The following ARHGAP23 variants were observed in gnomAD, a reference collection of about 807,000 sequenced individuals.
The protein encoded by ARHGAP23 is Rho GTPase activating protein 23.
In ARHGAP23, 34 loss-of-function variants were observed where a neutral mutation model predicts 136.3. That is an observed-to-expected ratio of 0.25 (90% CI 0.19 to 0.33). ARHGAP23 has a LOEUF of 0.33. Among genes scored for constraint, ARHGAP23 ranks in the 10% least tolerant of loss-of-function variants. The pLI, the probability that ARHGAP23 is intolerant of heterozygous loss-of-function variation, is 1.00. For missense variants in ARHGAP23, 1,808 were observed against 2,139.0 expected (o/e 0.85, Z 3.05); for synonymous variants, 832 against 920.5 (o/e 0.90, Z 1.74).
At chr17:38,446,368 A>T in intron 1 of ARHGAP23, among the ~76,000 whole-genome samples, 1 of 152,148 alleles carries the variant, frequency 6.6e-6, no homozygotes, top group Admixed American at 6.6e-5. Context: ...ATTATTATTC[A>T]TATCATGTAT....
chr17:38,455,538 T>A (rs1244028864), intron 1 of ARHGAP23, among the ~76,000 whole-genome samples: 2 of 152,110 alleles, frequency 1.3e-5, no homozygotes, highest in East Asian at 3.8e-4. Flanking sequence ...AGGCAGGATG[T>A]GTGCTGGGGG....
Position 38,470,957 on chromosome 17 carries a change from C to CT in ARHGAP23, c.1975-893dup, listed in dbSNP as rs35409435. On this transcript the variant is annotated intron_variant, in intron 10 of 23. Coordinates refer to ENST00000622683, the MANE Select transcript of ARHGAP23 (RefSeq NM_001199417.2). ...TATTTTTCATGCATGATTTTTCTTT[C>CT]TTTTTTTTTTTTTGAGATGGAGTCT... Among the ~76,000 whole-genome samples, 486 of 142,946 alleles carry CT rather than the reference C, an allele frequency of 3.4e-3. 1 individual carries two copies. Among genetic ancestry groups the CT allele is most frequent in the African/African-American group, 5.1e-3 (200 of 39,098 alleles). 93.8% of individuals were successfully genotyped at this position (142,946 alleles called of 152,430 possible). A position where few individuals can be genotyped will look rare whatever the true frequency, so the allele number is the denominator to read the frequency against.
In ARHGAP23 at chr17:38,499,035, A is replaced by G. The variant is rs536348410; in HGVS notation, c.3415+525A>G. On this transcript the variant is annotated intron_variant, in intron 22 of 23. Coordinates refer to ENST00000622683, the MANE Select transcript of ARHGAP23 (RefSeq NM_001199417.2). ...GCTGGGTGGGCACAGCGGCAGGCAG[A>G]ATGTCCCGGACTGTGAGGACCCCAC... 2.3e-5 allele frequency: 16 copies of G among 698,288 alleles called. 1 individual carries two copies. The Admixed American group carries it at 3.0e-4, about 13-fold the overall frequency. The allele number at this position is 698,288 out of a possible 1,614,324, so 43.3% of individuals were successfully genotyped here. A position where few individuals can be genotyped will look rare whatever the true frequency, so the allele number is the denominator to read the frequency against.
intron 16 of ARHGAP23, among the ~76,000 whole-genome samples, chr17:38,484,251 C>T (rs921782025): frequency 4.0e-5 from 6 of 151,470 alleles, no homozygotes; most frequent in African/African-American, 1.5e-4. Flanking sequence ...GAAGGAGGGG[C>T]GAGGAAGAGC....
Position 38,477,765 on chromosome 17 carries a change from G to A in ARHGAP23, c.2305G>A (p.Glu769Lys), listed in dbSNP as rs749251431. Residue 769 changes from glutamate to lysine, a missense_variant, in exon 12 of 24, where the codon GAG becomes AAG. Glu to Lys is a moderately conservative substitution (Grantham distance 56). Around this residue, in one of 7 missense-constraint regions of ARHGAP23, gnomAD observed 139 missense variants for 264.3 expected, o/e 0.53. Coordinates refer to ENST00000622683, the MANE Select transcript of ARHGAP23 (RefSeq NM_001199417.2). The surrounding 1 kb of genome is among the most constrained non-coding windows in gnomAD (Gnocchi z 6.6). Reference sequence around the variant, plus strand: ...CTGCCTCGTGGACATCTCCTACAGCGAGACCAAGAGGAGGCACGTGTTCCG... The same window carrying A: ...CTGCCTCGTGGACATCTCCTACAGCAAGACCAAGAGGAGGCACGTGTTCCG... ...GSCLVDISYS[E>K]TKRRHVFRLT... 1.2e-5 allele frequency: 19 copies of A among 1,549,678 alleles called. No individual in the cohort carries two copies. Among genetic ancestry groups the A allele is most frequent in the Middle Eastern group, 3.4e-4 (2 of 5,904 alleles).
At chr17:38,462,275 A>G (rs1232353339) in intron 3 of ARHGAP23, among the ~76,000 whole-genome samples, 1 of 97,694 alleles carries the variant, frequency 1.0e-5, no homozygotes, top group African/African-American at 4.5e-5. Flanking sequence ...TTTTTTTGAG[A>G]CAGTGTCTTA....
intron 17 of ARHGAP23, among the ~76,000 whole-genome samples, chr17:38,488,587 C>T (rs1203025285): frequency 2.6e-5 from 4 of 152,160 alleles, no homozygotes; most frequent in Admixed American, 6.5e-5. Flanking sequence ...TCACTCTTGT[C>T]GCCCAAGCTG....
At chr17:38,490,711 T>G (rs1023677113) in intron 19 of ARHGAP23, among the ~76,000 whole-genome samples, 160 bp downstream of exon 19, 2 of 152,144 alleles carry the variant, frequency 1.3e-5, no homozygotes, top group African/African-American at 4.8e-5. Context: ...TCCTACATGC[T>G]GGTCAGTGCT....
At chr17:38,476,925 G>A (rs2039906438) in intron 11 of ARHGAP23, among the ~76,000 whole-genome samples, 2 of 152,126 alleles carry the variant, frequency 1.3e-5, no homozygotes, top group South Asian at 4.1e-4. Context: ...AAGTAGAGAA[G>A]ACTAGGAAGG....
intron 6 of ARHGAP23, among the ~76,000 whole-genome samples, chr17:38,465,497 T>C (rs1411616516): frequency 6.6e-6 from 1 of 152,214 alleles, no homozygotes; most frequent in Non-Finnish European, 1.5e-5. Context: ...GGGAGCTGAC[T>C]CCTTTTTTGG....
At chr17:38,429,792 C>G (rs2038646720) in intron 1 of ARHGAP23, among the ~76,000 whole-genome samples, 1 of 152,114 alleles carries the variant, frequency 6.6e-6, no homozygotes. Context: ...TCATCTCTAT[C>G]CCCTGCACCC....
Position 38,486,132 on chromosome 17 carries a change from T to G in ARHGAP23, c.2978T>G (p.Phe993Cys). Residue 993 changes from phenylalanine to cysteine, a missense_variant, in exon 17 of 24, where the codon TTC (phenylalanine) becomes TGC (cysteine). Transcript: ENST00000622683. Reference protein sequence around the residue: ...SFFRKLPEPLFTDDKYNDFIE... With the variant: ...SFFRKLPEPLCTDDKYNDFIE... ...TTCCGAAAGCTGCCCGAGCCTCTTT[T>G]CACTGATGGTGAGTAGGAGGTGGAA... 1 of 1,551,410 alleles carries G rather than the reference T, an allele frequency of 6.4e-7. No individual in the cohort carries two copies.
intron 1 of ARHGAP23, among the ~76,000 whole-genome samples, chr17:38,455,667 C>T (rs1378435787): frequency 6.6e-6 from 1 of 152,200 alleles, no homozygotes; most frequent in East Asian, 1.9e-4. Context: ...AGCCTCAGCT[C>T]TGAGCCTGGG....
intron 1 of ARHGAP23, among the ~76,000 whole-genome samples, chr17:38,454,473 G>A (rs2039277179): frequency 1.3e-5 from 2 of 152,144 alleles, no homozygotes; most frequent in South Asian, 4.1e-4. Context: ...ATCCCAGAGG[G>A]TATGGGTGGG....
At position 38,498,803 on chromosome 17, in the gene ARHGAP23, G is replaced by C. The variant is rs981082785; in HGVS notation, c.3415+293G>C. Reference sequence around the variant, plus strand: ...GCCTTTAATTTCTCATGGGCTGGCTGTGTCCTTCTGGGCATGTTCCTCTTT... The same window carrying C: ...GCCTTTAATTTCTCATGGGCTGGCTCTGTCCTTCTGGGCATGTTCCTCTTT... On this transcript the variant is annotated intron_variant, in intron 22 of 23. Transcript: ENST00000622683. 3 of 667,410 alleles carry C rather than the reference G, an allele frequency of 4.5e-6. No individual in the cohort carries two copies. In the African/African-American group the frequency reaches 5.4e-5, roughly 12 times the overall value. The allele number at this position is 667,410 out of a possible 1,614,324, so 41.3% of individuals were successfully genotyped here.
chr17:38,507,276 A>AAATAATAATAAT (rs56830471), intron 23 of ARHGAP23, among the ~76,000 whole-genome samples: 51,807 of 136,222 alleles, frequency 0.38, 10,935 homozygotes, highest in Admixed American at 0.54. Context: ...CTCCGTCTCA[A>AAATAATAATAAT]AATAATAATA....
At chr17:38,470,858 G>A (rs1422853680) in intron 10 of ARHGAP23, among the ~76,000 whole-genome samples, 2 of 152,092 alleles carry the variant, frequency 1.3e-5, no homozygotes, top group Non-Finnish European at 2.9e-5. Context: ...TCTTGCTTCG[G>A]TCTCCCAAAA....
At chr17:38,438,749 T>G (rs561705020) in intron 1 of ARHGAP23, among the ~76,000 whole-genome samples, 1 of 152,072 alleles carries the variant, frequency 6.6e-6, no homozygotes, top group Non-Finnish European at 1.5e-5. Flanking sequence ...TTTGGGAGGC[T>G]GAGGTGGGCG....
intron 2 of ARHGAP23, among the ~76,000 whole-genome samples, chr17:38,460,581 C>T (rs756965972): frequency 2.0e-5 from 3 of 152,118 alleles, no homozygotes; most frequent in Non-Finnish European, 4.4e-5. Flanking sequence ...CTGTGACTGC[C>T]CGCGTCTTCT....
Sources: gnomAD v4.1 joint callset for allele counts (sites outside exome capture counted in the v4.1 genomes callset) on GRCh38, gnomAD v4.1.1 for gene constraint, gnomAD v4.1.1 regional missense constraint, Gnocchi (gnomAD v3.1) non-coding constraint, MANE v1.5 for transcripts, NCBI Gene and HGNC (gene_info 2026-07-23, HGNC 2026-07-21) for gene names.